The following CNBD1 variants were observed in gnomAD, a reference collection of about 807,000 sequenced individuals.
CNBD1 encodes the protein cyclic nucleotide-binding domain-containing protein 1.
Under a neutral mutation model 54.4 loss-of-function variants are expected in CNBD1, and 71 were observed. That is an observed-to-expected ratio of 1.30 (90% CI 1.08 to 1.59). CNBD1 has a LOEUF of 1.59. Among genes scored for constraint, CNBD1 ranks in the 40% most tolerant of loss-of-function variants. The probability of loss-of-function intolerance (pLI) is 0.00; values close to 1 mark genes in which losing one functional copy is unlikely to be tolerated. For missense variants in CNBD1, 659 were observed against 518.0 expected (o/e 1.27, Z -2.64); for synonymous variants, 182 against 170.7 (o/e 1.07, Z -0.51).
At chr8:87,391,899 G>A (rs1339133801) in intron 2 of CNBD1, among the ~76,000 whole-genome samples, 1 of 152,022 alleles carries the variant, frequency 6.6e-6, no homozygotes, top group East Asian at 1.9e-4. Context: ...AAAGTGATGT[G>A]AATCCACAGA....
intron 3 of CNBD1, among the ~76,000 whole-genome samples, chr8:86,914,418 A>G (rs1344936297): frequency 6.6e-6 from 1 of 152,242 alleles, no homozygotes; most frequent in Non-Finnish European, 1.5e-5. Context: ...TTTGTCGCCT[A>G]GAAGCCATAG....
intron 3 of CNBD1, among the ~76,000 whole-genome samples, chr8:86,909,722 T>G (rs1374810590): frequency 1.3e-5 from 2 of 152,224 alleles, no homozygotes; most frequent in African/African-American, 4.8e-5. Context: ...TTGTCAGTAC[T>G]ATGATGAGAA....
intron 1 of CNBD1, among the ~76,000 whole-genome samples, chr8:86,872,020 C>T (rs144774844): frequency 1.2e-3 from 180 of 152,322 alleles, no homozygotes; most frequent in African/African-American, 4.2e-3. Flanking sequence ...ATCAGGTATT[C>T]GTACATCATC....
chr8:86,931,263 A>C (rs1467640584), intron 3 of CNBD1, among the ~76,000 whole-genome samples: 1 of 152,140 alleles, frequency 6.6e-6, no homozygotes, highest in Non-Finnish European at 1.5e-5. Flanking sequence ...GGAAGAAGTC[A>C]ATTTCCTGGC....
intron 4 of CNBD1, among the ~76,000 whole-genome samples, chr8:87,168,235 C>G (rs935454233): frequency 1.3e-5 from 2 of 151,946 alleles, no homozygotes; most frequent in African/African-American, 4.8e-5. Flanking sequence ...TATATGAACA[C>G]ATTTAAACAT....
intron 4 of CNBD1, among the ~76,000 whole-genome samples, chr8:87,190,924 T>TAAATAG: frequency 6.7e-6 from 1 of 148,996 alleles, no homozygotes; most frequent in African/African-American, 2.5e-5. Flanking sequence ...TATCTATATC[T>TAAATAG]ATTTAGATAT....
At chr8:87,230,851 T>G (rs1364479959) in intron 5 of CNBD1, among the ~76,000 whole-genome samples, 1 of 152,212 alleles carries the variant, frequency 6.6e-6, no homozygotes, top group Non-Finnish European at 1.5e-5. Context: ...GTCATTAAGA[T>G]CTGAAAACAT....
intron 4 of CNBD1, among the ~76,000 whole-genome samples, chr8:87,006,908 T>G (rs1809111625): frequency 1.3e-5 from 2 of 152,218 alleles, no homozygotes; most frequent in South Asian, 4.1e-4. Context: ...CAATAAAACT[T>G]CTTATTGGCC....
chr8:87,062,290 A>T (rs1810563140), intron 4 of CNBD1, among the ~76,000 whole-genome samples: 1 of 152,142 alleles, frequency 6.6e-6, no homozygotes, highest in African/African-American at 2.4e-5. Context: ...AAAAGGACAA[A>T]TCACTGCCTG....
intron 4 of CNBD1, among the ~76,000 whole-genome samples, chr8:87,033,301 A>G (rs1563442903): frequency 6.6e-6 from 1 of 152,188 alleles, no homozygotes; most frequent in Non-Finnish European, 1.5e-5. Flanking sequence ...TTTGGGGGCA[A>G]GTAGACCACT....
Position 87,353,779 on chromosome 8 carries a change from C to A in CNBD1, c.1296C>A (p.Asp432Glu). ...EVEMAIIEDK[D>E]LFVA Reference sequence around the variant, plus strand: ...AGATGGCAATCATTGAAGATAAGGACCTATTTGGTAAATGCATAAATATCT... The same window carrying A: ...AGATGGCAATCATTGAAGATAAGGAACTATTTGGTAAATGCATAAATATCT... The change falls in exon 10 of 11, where the codon GAC (aspartate) becomes GAA (glutamate). Residue 432 changes from aspartate to glutamate, a missense_variant. Physicochemically the swap from Asp to Glu is conservative, Grantham distance 45 (BLOSUM62 2). Coordinates refer to ENST00000518476, the MANE Select transcript of CNBD1 (RefSeq NM_173538.3). 1.9e-6 allele frequency: 3 copies of A among 1,599,386 alleles called. No homozygotes were observed. Among genetic ancestry groups the A allele is most frequent in the Non-Finnish European group, 8.5e-7 (1 of 1,174,716 alleles).
intron 8 of CNBD1, among the ~76,000 whole-genome samples, chr8:87,317,041 A>G (rs1490077294): frequency 2.6e-5 from 4 of 151,832 alleles, no homozygotes; most frequent in Admixed American, 6.6e-5. Context: ...TCTTTGTAAA[A>G]TGGGGATAAT....
At chr8:87,185,590 T>C (rs1167635025) in intron 4 of CNBD1, among the ~76,000 whole-genome samples, 1 of 152,202 alleles carries the variant, frequency 6.6e-6, no homozygotes, top group African/African-American at 2.4e-5. Flanking sequence ...ATGTGGTCTA[T>C]CCTATTTCCT....
intron 4 of CNBD1, among the ~76,000 whole-genome samples, chr8:87,192,059 G>A (rs1420885628): frequency 6.6e-6 from 1 of 152,112 alleles, no homozygotes; most frequent in Non-Finnish European, 1.5e-5. Context: ...CCAAGCTAGA[G>A]GGAAGAGTCT....
At chr8:87,270,297 G>T (rs1808335900) in intron 6 of CNBD1, among the ~76,000 whole-genome samples, 1 of 151,742 alleles carries the variant, frequency 6.6e-6, no homozygotes, top group South Asian at 2.1e-4. Flanking sequence ...TAAAAAGTAG[G>T]CAAAGGACAT....
chr8:87,049,305 G>T (rs896226941), intron 4 of CNBD1, among the ~76,000 whole-genome samples: 5 of 152,296 alleles, frequency 3.3e-5, no homozygotes, highest in South Asian at 2.1e-4. Flanking sequence ...TTTAATGGAA[G>T]ATCCATTAAC....
At chr8:87,044,816 A>T (rs1488800572) in intron 4 of CNBD1, among the ~76,000 whole-genome samples, 6 of 152,126 alleles carry the variant, frequency 3.9e-5, no homozygotes, top group Non-Finnish European at 8.8e-5. Context: ...ACTAATCACA[A>T]AAAGAACAAA....
intron 8 of CNBD1, among the ~76,000 whole-genome samples, chr8:87,339,445 G>A (rs1810020180): frequency 6.6e-6 from 1 of 152,058 alleles, no homozygotes; most frequent in South Asian, 2.1e-4. Flanking sequence ...TCTGTTTTGT[G>A]TATCAATCTC....
chr8:86,988,825 T>G (rs1808671829), intron 4 of CNBD1, among the ~76,000 whole-genome samples: 1 of 152,184 alleles, frequency 6.6e-6, no homozygotes, highest in Non-Finnish European at 1.5e-5. Flanking sequence ...GACTTCCAGT[T>G]CCATCCAAGT....
Sources: gnomAD v4.1 joint callset for allele counts (sites outside exome capture counted in the v4.1 genomes callset) on GRCh38, gnomAD v4.1.1 for gene constraint, MANE v1.5 for transcripts, NCBI Gene and HGNC (gene_info 2026-07-23, HGNC 2026-07-21) for gene names.